EBF3: variants seen among roughly 807,000 people sequenced by gnomAD.
EBF3 encodes the protein transcription factor COE3.
Under a neutral mutation model 77.1 loss-of-function variants are expected in EBF3, and 18 were observed. The ratio of observed to expected loss-of-function variants is 0.23; its 90% confidence interval spans 0.16 to 0.35. The LOEUF is 0.35. EBF3 is among the 10% of genes least tolerant of loss of function. The pLI is 1.00. For synonymous variants in EBF3, 350 were observed against 343.5 expected (o/e 1.02, Z -0.21); for missense variants, 558 against 860.0 (o/e 0.65, Z 4.39).
chr10:129,936,568 TGG>T (rs1330332170), intron 6 of EBF3, among the ~76,000 whole-genome samples: 1 of 144,594 alleles, frequency 6.9e-6, no homozygotes, highest in Non-Finnish European at 1.5e-5. Flanking sequence ...CTCAGCTATG[TGG>T]GGAACCAGGG....
At position 129,877,935 on chromosome 10, in the gene EBF3, G is replaced by T. The variant is rs1852909973; in HGVS notation, c.555-86C>A. Reference sequence around the variant, plus strand: ...TTAAAAGACACTCTTGCGCAGGGAGGAGTGGAGACTCAACCCCACAGCTTC... The same window carrying T: ...TTAAAAGACACTCTTGCGCAGGGAGTAGTGGAGACTCAACCCCACAGCTTC... On this transcript the variant is annotated intron_variant, in intron 6 of 16. Coordinates refer to ENST00000440978, the MANE Select transcript of EBF3 (RefSeq NM_001375380.1). 2.6e-5 allele frequency: 28 copies of T among 1,059,364 alleles called. No individual in the cohort carries two copies. In the East Asian group the frequency reaches 6.6e-4, roughly 25 times the overall value. The allele number at this position is 1,059,364 out of a possible 1,614,324, so 65.6% of individuals were successfully genotyped here.
intron 11 of EBF3, chr10:129,845,769 C>G (rs1850409955): frequency 6.6e-6 from 1 of 151,506 alleles, no homozygotes; most frequent in East Asian, 1.9e-4. Context: ...AAAAAAAGAA[C>G]AGAATATATT....
At chr10:129,903,573 TAG>T (rs1854933619) in intron 6 of EBF3, among the ~76,000 whole-genome samples, 1 of 152,244 alleles carries the variant, frequency 6.6e-6, no homozygotes, top group East Asian at 1.9e-4. Context: ...GGAAATGTAT[TAG>T]AGAGATACTG....
At chr10:129,839,991 G>A (rs757343440) in intron 15 of EBF3, among the ~76,000 whole-genome samples, 3 of 152,240 alleles carry the variant, frequency 2.0e-5, no homozygotes, top group African/African-American at 7.2e-5. Context: ...GTGCTCCACC[G>A]TAAGTACACT....
intron 6 of EBF3, among the ~76,000 whole-genome samples, chr10:129,930,510 A>C (rs1308554311): frequency 4.4e-5 from 6 of 137,850 alleles, no homozygotes; most frequent in African/African-American, 1.4e-4. Context: ...ATATCTGTCT[A>C]TATCTATCTC....
At position 129,848,577 on chromosome 10, in the gene EBF3, G is replaced by T; in HGVS notation, c.1040-97C>A. 7.8e-7 allele frequency: 1 copy of T among 1,280,560 alleles called. No individual in the cohort carries two copies. The highest frequency in any genetic ancestry group is 1.1e-6 in the Non-Finnish European group (1 of 879,036). The allele number at this position is 1,280,560 out of a possible 1,614,324, so 79.3% of individuals were successfully genotyped here. On this transcript the variant is annotated intron_variant, in intron 10 of 16. Coordinates refer to ENST00000440978, the MANE Select transcript of EBF3 (RefSeq NM_001375380.1). This position sits in a 1 kb window ranked among gnomAD's most constrained non-coding sequence, Gnocchi z 4.4. The stretch of plus-strand genomic sequence containing the variant: ...TTACAAATAAATGTGTAGTTCTCCT[G>T]CTCTGATGCTCTCTAAGGCAAGCAC...
intron 6 of EBF3, among the ~76,000 whole-genome samples, chr10:129,921,348 C>T (rs1392589730): frequency 6.6e-6 from 1 of 152,130 alleles, no homozygotes; most frequent in African/African-American, 2.4e-5. Flanking sequence ...AAACCCTCCC[C>T]GCATTGGTCA....
intron 16 of EBF3, 57 bp downstream of exon 16, chr10:129,839,026 G>A (rs150119564): frequency 7.7e-7 from 1 of 1,294,166 alleles, no homozygotes; most frequent in Admixed American, 2.3e-5. Flanking sequence ...GGGGGCCTGG[G>A]CGTCCCTTCA....
chr10:129,845,044 T>C (rs1334078979), intron 11 of EBF3, among the ~76,000 whole-genome samples: 2 of 152,222 alleles, frequency 1.3e-5, no homozygotes, highest in Admixed American at 6.5e-5. Flanking sequence ...TACTTTGCAA[T>C]TGGAACATAA....
At position 129,879,154 on chromosome 10, in the gene EBF3, C is replaced by T. The variant is rs1853017368; in HGVS notation, c.555-1305G>A. Among the ~76,000 whole-genome samples the T allele has an allele frequency of 6.6e-6, 1 of 152,076 alleles. No individual in the cohort carries two copies. The highest frequency in any genetic ancestry group is 1.5e-5 in the Non-Finnish European group (1 of 68,014). On this transcript the variant is annotated intron_variant, in intron 6 of 16. Transcript: ENST00000440978. The surrounding 1 kb of genome is among the most constrained non-coding windows in gnomAD (Gnocchi z 4.7). ...TCTGAACTCAAAGAACCTGGGAAGC[C>T]AGGCTCTACCACTACCCACAGGAAA...
intron 6 of EBF3, among the ~76,000 whole-genome samples, chr10:129,934,544 T>C (rs1857232806): frequency 1.3e-5 from 2 of 151,906 alleles, no homozygotes; most frequent in African/African-American, 4.8e-5. Context: ...TGTAAATGAG[T>C]CGCTCTGGGT....
At chr10:129,941,868 T>C (rs1221779794) in intron 6 of EBF3, among the ~76,000 whole-genome samples, 1 of 151,452 alleles carries the variant, frequency 6.6e-6, no homozygotes, top group African/African-American at 2.4e-5. Flanking sequence ...CAGCAGCCAT[T>C]TGCGGGGTCA....
In EBF3 at chr10:129,861,675, C is replaced by T. The variant is rs1386636995; in HGVS notation, c.1039+5466G>A. ...GCAGACAGGAACGAACAGTCAGCCA[C>T]GGGGGGCCCCTGGCCACACCACGGG... On this transcript the variant is annotated intron_variant, in intron 10 of 16. Transcript: ENST00000440978. The surrounding 1 kb of genome is among the most constrained non-coding windows in gnomAD (Gnocchi z 4.3). 3.3e-5 allele frequency among the ~76,000 whole-genome samples: 5 copies of T among 152,172 alleles called. No individual in the cohort carries two copies. In the East Asian group the frequency reaches 5.8e-4, roughly 18 times the overall value.
intron 6 of EBF3, among the ~76,000 whole-genome samples, chr10:129,920,618 G>C (rs1481028181): frequency 6.6e-6 from 1 of 152,220 alleles, no homozygotes; most frequent in Non-Finnish European, 1.5e-5. Context: ...AAAAAGGAAC[G>C]AATAGAAAGG....
intron 6 of EBF3, among the ~76,000 whole-genome samples, chr10:129,956,164 C>A (rs531142503): frequency 2.6e-5 from 4 of 152,326 alleles, no homozygotes; most frequent in African/African-American, 9.6e-5. Flanking sequence ...ATTAGCATTG[C>A]TCTCCACTGG....
chr10:129,953,848 T>C (rs1437233685), intron 6 of EBF3, among the ~76,000 whole-genome samples: 1 of 152,194 alleles, frequency 6.6e-6, no homozygotes, highest in Non-Finnish European at 1.5e-5. Context: ...CACGAGCAAG[T>C]GATGGGAGCC....
intron 10 of EBF3, among the ~76,000 whole-genome samples, chr10:129,857,529 T>G (rs896288984): frequency 6.6e-6 from 1 of 152,196 alleles, no homozygotes; most frequent in Non-Finnish European, 1.5e-5. Context: ...CTCTCAAATC[T>G]GCCAGCGCCT....
chr10:129,960,918 G>A (rs1427487437), intron 4 of EBF3, among the ~76,000 whole-genome samples: 2 of 152,126 alleles, frequency 1.3e-5, no homozygotes, highest in Non-Finnish European at 2.9e-5. Flanking sequence ...TCTCTGAATC[G>A]AGTGAAATAA....
rs995574840 is a variant in EBF3 at position 129,935,275 on chromosome 10, G to A, written c.554+21983C>T. On this transcript the variant is annotated intron_variant, in intron 6 of 16. Transcript: ENST00000440978. This position sits in a 1 kb window ranked among gnomAD's most constrained non-coding sequence, Gnocchi z 4.2. ...TGGCCCATGGCTGTCCCAGCACCCA[G>A]AGTGGAGTTGGGAACCAGGCTTGGA... is the stretch of plus-strand genomic sequence containing the variant. 6.6e-6 allele frequency among the ~76,000 whole-genome samples: 1 copy of A among 152,148 alleles called. No homozygotes were observed. The highest frequency in any genetic ancestry group is 2.4e-5 in the African/African-American group (1 of 41,432).
Sources: gnomAD v4.1 joint callset for allele counts (sites outside exome capture counted in the v4.1 genomes callset) on GRCh38, gnomAD v4.1.1 for gene constraint, Gnocchi (gnomAD v3.1) non-coding constraint, MANE v1.5 for transcripts, NCBI Gene and HGNC (gene_info 2026-07-23, HGNC 2026-07-21) for gene names.